Variants in TMPRSS11D observed in about 807,000 individuals in gnomAD.
TMPRSS11D encodes the protein transmembrane protease serine 11D.
TMPRSS11D carries 32 observed loss-of-function variants against 44.4 expected under a neutral mutation model. The ratio of observed to expected loss-of-function variants is 0.72; its 90% CI spans 0.54 to 0.97. The LOEUF (loss-of-function observed/expected upper bound fraction) is 0.97, where lower values mean the gene tolerates loss of function less well. Among genes scored for constraint, TMPRSS11D ranks in the 50% least tolerant of loss-of-function variants. The pLI, the probability that TMPRSS11D is intolerant of heterozygous loss-of-function variation, is 0.00. For missense variants in TMPRSS11D, 446 were observed against 502.6 expected (o/e 0.89, Z 1.08); for synonymous variants, 179 against 177.9 (o/e 1.01, Z -0.05).
At chr4:67,832,790 C>T (rs1717977552) in intron 7 of TMPRSS11D, among the ~76,000 whole-genome samples, 1 of 151,312 alleles carries the variant, frequency 6.6e-6, no homozygotes, top group Non-Finnish European at 1.5e-5. Context: ...GCAAATCTTC[C>T]ACAGCAATTC....
At chr4:67,865,057 C>G (rs1318678143) in intron 1 of TMPRSS11D, among the ~76,000 whole-genome samples, 2 of 151,750 alleles carry the variant, frequency 1.3e-5, no homozygotes, top group East Asian at 3.9e-4. Flanking sequence ...CCAACTATCA[C>G]AGAATATACA....
intron 1 of TMPRSS11D, among the ~76,000 whole-genome samples, chr4:67,863,114 G>C (rs377646480): frequency 6.6e-5 from 10 of 150,660 alleles, no homozygotes; most frequent in African/African-American, 2.4e-4. Flanking sequence ...AGCAAACTTA[G>C]ATCTCAGTAC....
intron 2 of TMPRSS11D, among the ~76,000 whole-genome samples, chr4:67,856,813 G>T (rs1471416762): frequency 6.6e-6 from 1 of 151,956 alleles, no homozygotes; most frequent in Admixed American, 6.6e-5. Flanking sequence ...CCATTAAGGA[G>T]TGGGCAAAGA....
intron 3 of TMPRSS11D, among the ~76,000 whole-genome samples, chr4:67,850,262 G>C (rs1028512296): frequency 3.9e-5 from 6 of 152,164 alleles, no homozygotes; most frequent in Non-Finnish European, 8.8e-5. Context: ...TTAAATAGGT[G>C]TTTTAACTAG....
At chr4:67,864,963 G>A (rs1250109108) in intron 1 of TMPRSS11D, among the ~76,000 whole-genome samples, 1 of 151,680 alleles carries the variant, frequency 6.6e-6, no homozygotes, top group African/African-American at 2.4e-5. Context: ...ACAGATCATC[G>A]AGACAGAAAA....
At chr4:67,872,246 G>T (rs1577832190) in intron 1 of TMPRSS11D, among the ~76,000 whole-genome samples, 1 of 152,022 alleles carries the variant, frequency 6.6e-6, no homozygotes, top group East Asian at 1.9e-4. Flanking sequence ...TCCCTGTCTG[G>T]ATTTAGTTTC....
chr4:67,827,371 C>T lies in TMPRSS11D; in HGVS notation c.842G>A (p.Ser281Asn). 1 of 1,613,344 alleles carries T rather than the reference C, an allele frequency of 6.2e-7. No individual in the cohort carries two copies. The highest frequency in any genetic ancestry group is 8.5e-7 in the Non-Finnish European group (1 of 1,179,590). The change falls in exon 8 of 10, where the codon AGT becomes AAT. Residue 281 changes from serine (S) to asparagine (N), a missense_variant. Coordinates refer to ENST00000283916, the MANE Select transcript of TMPRSS11D (RefSeq NM_004262.3). ...ATGGATATCTTTGGTAAAGGTGACACTGTTCTCAAGTCTCACAAGTGCAAT... is the reference window on the plus strand; with the variant it reads ...ATGGATATCTTTGGTAAAGGTGACATTGTTCTCAAGTCTCACAAGTGCAAT... ...NDIALVRLEN[S>N]VTFTKDIHSV...
intron 6 of TMPRSS11D, among the ~76,000 whole-genome samples, chr4:67,834,199 C>G (rs1293676003): frequency 6.6e-6 from 1 of 152,114 alleles, no homozygotes; most frequent in Admixed American, 6.6e-5. Flanking sequence ...TGGTAAATCA[C>G]ACAACTATTG....
At chr4:67,876,988 T>A (rs1320429624) in intron 1 of TMPRSS11D, among the ~76,000 whole-genome samples, 1 of 152,134 alleles carries the variant, frequency 6.6e-6, no homozygotes, top group Non-Finnish European at 1.5e-5. Context: ...ATACTCTTTT[T>A]CTTTCTGACC....
intron 9 of TMPRSS11D, among the ~76,000 whole-genome samples, chr4:67,823,677 G>C (rs960003127): frequency 6.6e-6 from 1 of 152,064 alleles, no homozygotes; most frequent in African/African-American, 2.4e-5. Flanking sequence ...TTAATTACTG[G>C]TCTAGGTGGG....
At chr4:67,878,123 T>C (rs998384683) in intron 1 of TMPRSS11D, among the ~76,000 whole-genome samples, 1 of 152,246 alleles carries the variant, frequency 6.6e-6, no homozygotes, top group East Asian at 1.9e-4. Flanking sequence ...ATTCTTAATA[T>C]AGTCTTCAAA....
At chr4:67,864,587 C>G (rs1412635189) in intron 1 of TMPRSS11D, among the ~76,000 whole-genome samples, 1 of 151,802 alleles carries the variant, frequency 6.6e-6, no homozygotes, top group Non-Finnish European at 1.5e-5. Flanking sequence ...AATAAAATGG[C>G]TGCATGACAG....
intron 3 of TMPRSS11D, among the ~76,000 whole-genome samples, chr4:67,844,739 A>G (rs115887098): frequency 0.031 from 4,754 of 152,194 alleles, 243 homozygotes; most frequent in African/African-American, 0.11. Context: ...AGATCGCGCC[A>G]GTACACTCCA....
chr4:67,858,419 T>C (rs1718710063), intron 2 of TMPRSS11D, among the ~76,000 whole-genome samples: 1 of 152,196 alleles, frequency 6.6e-6, no homozygotes, highest in South Asian at 2.1e-4. Context: ...ACCTCTGTAG[T>C]TCACCTTAGG....
intron 1 of TMPRSS11D, among the ~76,000 whole-genome samples, chr4:67,870,134 T>C (rs1187999888): frequency 6.6e-6 from 1 of 152,226 alleles, no homozygotes; most frequent in African/African-American, 2.4e-5. Flanking sequence ...TTCTAGAATA[T>C]TTAAAGTAAA....
rs758206244 is a variant in TMPRSS11D at position 67,822,383 on chromosome 4, C to T, written c.1211G>A (p.Arg404Gln). Residue 404 changes from arginine to glutamine, a missense_variant, in exon 10 of 10, where the codon CGA becomes CAA. Arg to Gln is a conservative substitution (Grantham distance 43, BLOSUM62 1). Transcript: ENST00000283916. ...GLPDKPGVYT[R>Q]VTAYLDWIRQ... is the part of the protein sequence containing the mutation. ...AATCCAGTCAAGGTAGGCTGTCACT[C>T]GAGTATACACTCCTGGCTTATCCGG... 4.0e-5 allele frequency: 65 copies of T among 1,613,694 alleles called. No individual in the cohort carries two copies. Among genetic ancestry groups the T allele is most frequent in the Admixed American group, 1.7e-4 (10 of 59,974 alleles).
intron 9 of TMPRSS11D, 107 bp downstream of exon 9, chr4:67,825,625 G>A (rs879774352): frequency 3.3e-6 from 4 of 1,195,920 alleles, no homozygotes; most frequent in South Asian, 2.1e-5. Flanking sequence ...AGAGGAACAG[G>A]GCTGTGTATT....
intron 4 of TMPRSS11D, among the ~76,000 whole-genome samples, chr4:67,841,530 T>C (rs1718230122): frequency 6.6e-6 from 1 of 152,070 alleles, no homozygotes; most frequent in Non-Finnish European, 1.5e-5. Flanking sequence ...GCAAGAGCAG[T>C]TGATATTTTA....
intron 2 of TMPRSS11D, among the ~76,000 whole-genome samples, chr4:67,855,250 C>A (rs1304031320): frequency 1.6e-4 from 3 of 19,332 alleles, no homozygotes; most frequent in Non-Finnish European, 3.5e-4. Context: ...GCAAGACTGT[C>A]TCAAAAAAAA....
Sources: gnomAD v4.1 joint callset for allele counts (sites outside exome capture counted in the v4.1 genomes callset) on GRCh38, gnomAD v4.1.1 for gene constraint, MANE v1.5 for transcripts, NCBI Gene and HGNC (gene_info 2026-07-23, HGNC 2026-07-21) for gene names.